Variants in USP39 observed in about 807,000 individuals in gnomAD.
USP39 encodes ubiquitin carboxyl-terminal hydrolase 39.
In USP39, 38 loss-of-function variants were observed where a neutral mutation model predicts 66.4. The observed-to-expected ratio is 0.57, with a 90% CI of 0.44 to 0.75. USP39 has a LOEUF of 0.75. Among genes scored for constraint, USP39 ranks in the 30% least tolerant of loss-of-function variants. The probability of loss-of-function intolerance (pLI) is 0.00; values close to 1 mark genes in which losing one functional copy is unlikely to be tolerated. For synonymous variants in USP39, 303 were observed against 274.6 expected (o/e 1.10, Z -1.02); for missense variants, 608 against 714.4 (o/e 0.85, Z 1.70).
intron 12 of USP39, 113 bp downstream of exon 12, chr2:85,648,129 G>T (rs1676787691): frequency 9.4e-7 from 1 of 1,067,394 alleles, no homozygotes; most frequent in Non-Finnish European, 1.4e-6. Flanking sequence ...GGAGGGCCAG[G>T]TACCTATTGG....
upstream of USP39, chr2:85,611,848 T>TGGC (rs779180669): frequency 2.1e-5 from 33 of 1,599,750 alleles, no homozygotes; most frequent in African/African-American, 2.8e-4. Context: ...CCAGGAGTGG[T>TGGC]GGCGGCGGCG....
At chr2:85,636,163 T>C in intron 7 of USP39, 33 bp downstream of exon 7, 1 of 1,605,222 alleles carries the variant, frequency 6.2e-7, no homozygotes, top group African/African-American at 1.3e-5. Context: ...GGAGTTATTT[T>C]GTTCCCTTTT....
chr2:85,643,483 G>A (rs1002866590), intron 10 of USP39, among the ~76,000 whole-genome samples: 1 of 150,582 alleles, frequency 6.6e-6, no homozygotes, highest in East Asian at 2.0e-4. Flanking sequence ...GACAGAGCGA[G>A]ACTCTGTCTC....
chr2:85,626,281 C>A (rs1674853471), intron 5 of USP39, among the ~76,000 whole-genome samples: 1 of 152,018 alleles, frequency 6.6e-6, no homozygotes, highest in Non-Finnish European at 1.5e-5. Context: ...ATCACTTGAA[C>A]CCAGGAGGCG....
At chr2:85,642,615 C>A (rs761285610) in intron 10 of USP39, among the ~76,000 whole-genome samples, 2 of 152,196 alleles carry the variant, frequency 1.3e-5, no homozygotes, top group Non-Finnish European at 2.9e-5. Flanking sequence ...TTCTTAACTA[C>A]GCAGTCTTTT....
At chr2:85,625,409 T>A (rs1194074864) in intron 4 of USP39, 130 bp from the exon 5 acceptor site, 23 of 1,176,504 alleles carry the variant, frequency 2.0e-5, no homozygotes, top group Middle Eastern at 2.4e-4. Context: ...ACCTACTGGT[T>A]CGGACTATTT....
chr2:85,611,347 G>A (rs1430811740), upstream of USP39: 3 of 1,438,772 alleles, frequency 2.1e-6, no homozygotes, highest in Non-Finnish European at 2.7e-6. Flanking sequence ...TGTGCTGGTC[G>A]CTCATCGCTG....
Position 85,639,248 on chromosome 2 carries a change from G to T in USP39, c.1141G>T (p.Glu381Ter), listed in dbSNP as rs756512545. 1 of 1,613,814 alleles carries T rather than the reference G, an allele frequency of 6.2e-7. No homozygotes were observed. The highest frequency in any genetic ancestry group is 8.5e-7 in the Non-Finnish European group (1 of 1,179,960). The change falls in exon 9 of 13, where the codon GAG becomes TAG. Residue 381 changes from glutamate (E) to a stop codon, truncating the protein, a stop_gained. Transcript: ENST00000323701. LOFTEE classifies it high-confidence loss of function. ...EQLLHNDEYQ[E>*]TMVESTFMYL... is the part of the protein sequence containing the mutation. ...GTTGCTCCATAATGACGAGTACCAG[G>T]AGACAATGGTGGAGTCCACTTTTAT...
At chr2:85,606,948 G>A (rs949133738) in intron 1 of USP39, 2 of 151,830 alleles carry the variant, frequency 1.3e-5, no homozygotes, top group African/African-American at 4.8e-5. Context: ...ACCATGCCCA[G>A]CTAATTTTTT....
upstream of USP39, chr2:85,612,161 C>T (rs548389797): frequency 1.9e-5 from 17 of 888,734 alleles, no homozygotes; most frequent in African/African-American, 2.7e-4. Context: ...CTGGTCGGGT[C>T]GGGTGGAGTA....
chr2:85,606,166 G>A (rs1357819836), intron 1 of USP39, among the ~76,000 whole-genome samples: 1 of 152,184 alleles, frequency 6.6e-6, no homozygotes, highest in Non-Finnish European at 1.5e-5. Flanking sequence ...ATCAGATTGT[G>A]TGTGTGTGCG....
Position 85,639,412 on chromosome 2 carries a change from C to T in USP39, c.1284+21C>T, listed in dbSNP as rs377722735. 2.9e-5 allele frequency: 46 copies of T among 1,605,374 alleles called. No homozygotes were observed. In the African/African-American group the frequency reaches 5.8e-4, roughly 20 times the overall value. On this transcript the variant is annotated intron_variant, in intron 9 of 12. Coordinates refer to ENST00000323701, the MANE Select transcript of USP39 (RefSeq NM_006590.4). ...AGAAGGTAGCCCATTAACACACCTG[C>T]CCTGCCTATACTTACCCTCGCTCTC...
At chr2:85,636,208 C>A in intron 7 of USP39, 78 bp downstream of exon 7, 1 of 1,366,498 alleles carries the variant, frequency 7.3e-7, no homozygotes, top group Non-Finnish European at 1.0e-6. Flanking sequence ...TGGCTCATGC[C>A]TATAATCCCA....
upstream of USP39, chr2:85,611,281 C>G: frequency 7.1e-7 from 1 of 1,414,648 alleles, no homozygotes; most frequent in Non-Finnish European, 9.2e-7. Flanking sequence ...CCAGTGTGAT[C>G]TCTAGGTAGC....
intron 10 of USP39, among the ~76,000 whole-genome samples, chr2:85,641,628 G>A (rs1676234733): frequency 6.6e-6 from 1 of 152,118 alleles, no homozygotes; most frequent in African/African-American, 2.4e-5. Context: ...TTGGCTGGGC[G>A]TGGTGGCTCA....
Position 85,648,797 on chromosome 2 carries a change from CA to C in USP39, c.1688del (p.Gln563ArgfsTer8). 6.2e-7 allele frequency: 1 copy of C among 1,614,150 alleles called. No individual in the cohort carries two copies. Among genetic ancestry groups the C allele is most frequent in the Non-Finnish European group, 8.5e-7 (1 of 1,180,012 alleles). ...GCGAGATAATGATGAAACCAACCAG[CA>C]GGGGGCTTGAAGGAGGCGTCTAGGG... ...KRRDNDETNQ[Q>X]GA is the part of the protein sequence containing the mutation. On this transcript the variant is annotated frameshift_variant, in exon 13 of 13. Transcript: ENST00000323701. LOFTEE classifies it high-confidence loss of function.
intron 12 of USP39, 31 bp downstream of exon 12, chr2:85,648,047 A>G (rs1411648095): frequency 1.9e-6 from 3 of 1,610,238 alleles, no homozygotes; most frequent in Non-Finnish European, 2.5e-6. Context: ...GTGAGCCACA[A>G]ATAGGTGGCG....
chr2:85,619,660 T>G (rs1674296784), intron 2 of USP39, among the ~76,000 whole-genome samples: 6 of 151,652 alleles, frequency 4.0e-5, no homozygotes, highest in Admixed American at 1.3e-4. Flanking sequence ...ATCATAGCAT[T>G]CTTTTCTCTG....
intron 10 of USP39, among the ~76,000 whole-genome samples, chr2:85,641,847 T>G (rs930800464): frequency 7.1e-6 from 1 of 141,280 alleles, no homozygotes; most frequent in African/African-American, 2.7e-5. Context: ...GAGGCTGCAG[T>G]GAGCTGAGAT....
Sources: allele counts gnomAD v4.1 joint callset (sites outside exome capture counted in the v4.1 genomes callset), GRCh38; gene constraint gnomAD v4.1.1; transcripts MANE v1.5; gene names NCBI Gene and HGNC (gene_info 2026-07-23, HGNC 2026-07-21).